Variants in REPIN1 observed in about 807,000 individuals in gnomAD.
REPIN1 encodes DNA-binding protein REPIN1.
A neutral mutation model predicts 5.7 loss-of-function variants in REPIN1; 4 were observed. The observed-to-expected ratio is 0.71, with a 90% CI of 0.35 to 1.62. REPIN1 has a LOEUF of 1.62. Ranked by LOEUF, REPIN1 falls within the 40% of genes most tolerant of loss-of-function variation. REPIN1 has a pLI of 0.05. For missense variants in REPIN1, 854 were observed against 901.0 expected, an observed-to-expected ratio of 0.95 and a Z score of 0.67; for synonymous variants, 410 against 386.2, an observed-to-expected ratio of 1.06 and a Z score of -0.72.
In REPIN1 at chr7:150,373,951, T is replaced by C. The variant is rs956382460; in HGVS notation, c.*1006T>C. On this transcript the variant is annotated 3_prime_UTR_variant, in exon 3 of 3. Coordinates refer to ENST00000489432, the MANE Select transcript of REPIN1 (RefSeq NM_001099695.2). ...ATTCTGCTTTCCTATAATTTCTACC[T>C]ATTGGGCCTTGTTCTGTTCTCTGGA... 1.2e-5 allele frequency: 2 copies of C among 167,094 alleles called. No individual in the cohort carries two copies. The highest frequency in any genetic ancestry group is 4.8e-5 in the African/African-American group (2 of 41,468). 10.4% of individuals were successfully genotyped at this position (167,094 alleles called of 1,614,324 possible).
chr7:150,372,901 G>C lies in REPIN1; in HGVS notation c.1831G>C (p.Asp611His), dbSNP rs769287325. ...CCAICGQTFD[D>H]EERLLAHQKK... is the part of the protein sequence containing the mutation. Reference sequence around the variant, plus strand: ...TGCCATCTGTGGCCAGACCTTCGACGACGAGGAGAGACTCCTGGCCCACCA... The same window carrying C: ...TGCCATCTGTGGCCAGACCTTCGACCACGAGGAGAGACTCCTGGCCCACCA... The change falls in exon 3 of 3, where the codon GAC becomes CAC. Residue 611 changes from aspartate to histidine, a missense_variant. Transcript: ENST00000489432. 4 of 1,613,364 alleles carry C rather than the reference G, an allele frequency of 2.5e-6. No individual in the cohort carries two copies. The highest frequency in any genetic ancestry group is 3.4e-6 in the Non-Finnish European group (4 of 1,180,008).
Position 150,373,945 on chromosome 7 carries a change from T to C in REPIN1, c.*1000T>C, listed in dbSNP as rs1324290013. The C allele has an allele frequency of 6.0e-6, 1 of 167,082 alleles. No individual in the cohort carries two copies. Among genetic ancestry groups the C allele is most frequent in the Non-Finnish European group, 1.5e-5 (1 of 68,132 alleles). 10.3% of individuals were successfully genotyped at this position (167,082 alleles called of 1,614,324 possible). ...GAATGAATTCTGCTTTCCTATAATT[T>C]CTACCTATTGGGCCTTGTTCTGTTC... On this transcript the variant is annotated 3_prime_UTR_variant, in exon 3 of 3. Transcript: ENST00000489432.
Position 150,373,098 on chromosome 7 carries a change from T to A in REPIN1, c.*153T>A. The A allele has an allele frequency of 1.7e-6, 2 of 1,145,140 alleles. No homozygotes were observed. Among genetic ancestry groups the A allele is most frequent in the East Asian group, 2.6e-5 (1 of 38,780 alleles). 70.9% of individuals were successfully genotyped at this position (1,145,140 alleles called of 1,614,324 possible). A position where few individuals can be genotyped will look rare whatever the true frequency, so the allele number is the denominator to read the frequency against. The stretch of plus-strand genomic sequence containing the variant: ...CGCGGGGAGTGAGCTGGGTGGGCCC[T>A]GCTAGCGAGAGAGGTCAACCCCGGT... On this transcript the variant is annotated 3_prime_UTR_variant, in exon 3 of 3. Coordinates refer to ENST00000489432, the MANE Select transcript of REPIN1 (RefSeq NM_001099695.2).
In REPIN1 at chr7:150,369,752, C is replaced by T. The variant is rs759301339; in HGVS notation, c.41C>T (p.Thr14Ile). 1 of 1,613,974 alleles carries T rather than the reference C, an allele frequency of 6.2e-7. No individual in the cohort carries two copies. Among genetic ancestry groups the T allele is most frequent in the Non-Finnish European group, 8.5e-7 (1 of 1,179,856 alleles). ...TCTTTATTACTGCAGTTTTCTCTAA[C>T]ACCTGGGGGCTACCGGAGTGTGGGC... is the stretch of plus-strand genomic sequence containing the variant. ...GVSLLLQFSL[T>I]PGGYRSVGRS... Residue 14 changes from threonine (T) to isoleucine (I), a missense_variant, in exon 2 of 3, where the codon ACA becomes ATA. Thr to Ile is a moderately conservative substitution (Grantham distance 89, BLOSUM62 -1). Around this residue, in one of 5 missense-constraint regions of REPIN1, gnomAD observed 409 missense variants for 418.6 expected, o/e 0.98. Coordinates refer to ENST00000489432, the MANE Select transcript of REPIN1 (RefSeq NM_001099695.2).
In REPIN1 at chr7:150,372,415, G is replaced by C; in HGVS notation, c.1345G>C (p.Ala449Pro). The change falls in exon 3 of 3, where the codon GCC (alanine) becomes CCC (proline). Residue 449 changes from alanine to proline, a missense_variant. Ala to Pro is a conservative substitution (Grantham distance 27). Around this residue, in one of 5 missense-constraint regions of REPIN1, gnomAD observed 327 missense variants for 307.8 expected, o/e 1.06. Transcript: ENST00000489432. ...CTTCCGGCTGGAGCGCTTCCTGCGG[G>C]CCCACCAGCGGCAGCACACCGGGGA... is the stretch of plus-strand genomic sequence containing the variant. ...RSFRLERFLR[A>P]HQRQHTGERP... 6.7e-7 allele frequency: 1 copy of C among 1,493,352 alleles called. No individual in the cohort carries two copies. Among genetic ancestry groups the C allele is most frequent in the South Asian group, 1.3e-5 (1 of 75,682 alleles). The allele number at this position is 1,493,352 out of a possible 1,614,324, so 92.5% of individuals were successfully genotyped here. A position where few individuals can be genotyped will look rare whatever the true frequency, so the allele number is the denominator to read the frequency against.
At chr7:150,368,157 C>CTCGGCCGT (rs1332213877), upstream of REPIN1, 1 of 152,252 alleles carries the variant, frequency 6.6e-6, no homozygotes, top group African/African-American at 2.4e-5. Context: ...CAACGGCCAC[C>CTCGGCCGT]TCGGCCGTCG....
chr7:150,370,560 C>T, intron 2 of REPIN1: 1 of 582,804 alleles, frequency 1.7e-6, no homozygotes, highest in Non-Finnish European at 3.1e-6. Flanking sequence ...AAGTGCCTCC[C>T]CTGTGGGGCT....
At chr7:150,368,134 G>A (rs1585065490), upstream of REPIN1, 1 of 152,348 alleles carries the variant, frequency 6.6e-6, no homozygotes, top group Middle Eastern at 3.4e-3. Context: ...CAAGCGAAAT[G>A]CCCCACGTGC....
rs138254226 is a variant in REPIN1 at position 150,371,735 on chromosome 7, G to A, written c.665G>A (p.Arg222Gln). The A allele has an allele frequency of 1.3e-3, 2,155 of 1,609,568 alleles. 31 individuals carry two copies. In the African/African-American group the frequency reaches 0.026, roughly 20 times the overall value. Reference protein sequence around the residue: ...WRRKQLRAHLRRCHPPAPEAR... With the variant: ...WRRKQLRAHLQRCHPPAPEAR... ...CGAAAGCAGCTTCGAGCTCATCTGC[G>A]GCGGTGCCACCCTCCCGCCCCGGAG... Residue 222 changes from arginine (R) to glutamine (Q), a missense_variant, in exon 3 of 3, where the codon CGG (arginine) becomes CAG (glutamine). By Grantham distance (43) the Arg-to-Gln change is conservative (BLOSUM62 1). Around this residue, in one of 5 missense-constraint regions of REPIN1, gnomAD observed 409 missense variants for 418.6 expected, o/e 0.98. Coordinates refer to ENST00000489432, the MANE Select transcript of REPIN1 (RefSeq NM_001099695.2).
Position 150,371,497 on chromosome 7 carries a change from C to A in REPIN1, c.427C>A (p.Pro143Thr). Residue 143 changes from proline (P) to threonine (T), a missense_variant, in exon 3 of 3, where the codon CCC becomes ACC. Coordinates refer to ENST00000489432, the MANE Select transcript of REPIN1 (RefSeq NM_001099695.2). ...CCGGTGCCAGGCCCGGCTGCCCTTG[C>A]CCTGCCCTGAGTGTGGCCGTCGCTT... Reference protein sequence around the residue: ...TRRCQARLPLPCPECGRRFRH... With the variant: ...TRRCQARLPLTCPECGRRFRH... 6.2e-7 allele frequency: 1 copy of A among 1,606,924 alleles called. No individual in the cohort carries two copies. Among genetic ancestry groups the A allele is most frequent in the Non-Finnish European group, 8.5e-7 (1 of 1,179,718 alleles).
rs1336111712 is a variant in REPIN1, at chr7:150,371,617, C to T, written c.547C>T (p.Arg183Ter). 2 of 1,604,902 alleles carry T rather than the reference C, an allele frequency of 1.2e-6. No homozygotes were observed. The highest frequency in any genetic ancestry group is 2.2e-5 in the East Asian group (1 of 44,786). Reference protein sequence around the residue: ...FACHLCGQSFRGWVALVLHLR... With the variant: ...FACHLCGQSF ...CTGCCACCTCTGTGGGCAGAGCTTC[C>T]GAGGCTGGGTGGCCCTGGTTCTGCA... Residue 183 changes from arginine (R) to a stop codon, truncating the protein, a stop_gained, in exon 3 of 3, where the codon CGA (arginine) becomes TGA (stop). Coordinates refer to ENST00000489432, the MANE Select transcript of REPIN1 (RefSeq NM_001099695.2). LOFTEE classifies it low-confidence loss of function (END_TRUNC).
chr7:150,369,723 GGT>G lies in REPIN1; in HGVS notation c.15_16del (p.Ser6PhefsTer140). 6.2e-7 allele frequency: 1 copy of G among 1,613,958 alleles called. No individual in the cohort carries two copies. Among genetic ancestry groups the G allele is most frequent in the South Asian group, 1.1e-5 (1 of 91,086 alleles). On this transcript the variant is annotated frameshift_variant, in exon 2 of 3. Coordinates refer to ENST00000489432, the MANE Select transcript of REPIN1 (RefSeq NM_001099695.2). LOFTEE classifies it high-confidence loss of function. MGIG[V>X]SLLLQFSLTP... ...GTCTGAGCTCTGCCATGGGGATAGG[GGT>G]GTCTTTATTACTGCAGTTTTCTCTA...
At position 150,372,453 on chromosome 7, in the gene REPIN1, C is replaced by G; in HGVS notation, c.1383C>G (p.Thr461=). 1.3e-6 allele frequency: 2 copies of G among 1,528,778 alleles called. No homozygotes were observed. Among genetic ancestry groups the G allele is most frequent in the South Asian group, 2.5e-5 (2 of 81,098 alleles). 94.7% of individuals were successfully genotyped at this position (1,528,778 alleles called of 1,614,324 possible). ...AGCACACCGGGGAGCGGCCCTTCACCTGCGCCGAGTGCGGGAAGAACTTCG... is the reference window on the plus strand; with the variant it reads ...AGCACACCGGGGAGCGGCCCTTCACGTGCGCCGAGTGCGGGAAGAACTTCG... ...QRQHTGERPF[T]CAECGKNFGK... The change falls in exon 3 of 3, where the codon ACC becomes ACG. Residue 461 remains threonine (T), a synonymous_variant. Coordinates refer to ENST00000489432, the MANE Select transcript of REPIN1 (RefSeq NM_001099695.2).
Position 150,373,030 on chromosome 7 carries a change from T to G in REPIN1, c.*85T>G, listed in dbSNP as rs1800046804. ...CAGTGGGCTGGGGGTGCCTGCCTAG[T>G]GCTGGAGTAGGGGACAATGGGAATC... On this transcript the variant is annotated 3_prime_UTR_variant, in exon 3 of 3. Transcript: ENST00000489432. 3 of 1,526,904 alleles carry G rather than the reference T, an allele frequency of 2.0e-6. No homozygotes were observed. Among genetic ancestry groups the G allele is most frequent in the Non-Finnish European group, 8.9e-7 (1 of 1,129,732 alleles). 94.6% of individuals were successfully genotyped at this position (1,526,904 alleles called of 1,614,324 possible). A position where few individuals can be genotyped will look rare whatever the true frequency, so the allele number is the denominator to read the frequency against.
chr7:150,372,971 G>A lies in REPIN1; in HGVS notation c.*26G>A, dbSNP rs1262753903. 6.3e-7 allele frequency: 1 copy of A among 1,595,908 alleles called. No individual in the cohort carries two copies. The highest frequency in any genetic ancestry group is 1.1e-5 in the South Asian group (1 of 87,508). On this transcript the variant is annotated 3_prime_UTR_variant, in exon 3 of 3. Coordinates refer to ENST00000489432, the MANE Select transcript of REPIN1 (RefSeq NM_001099695.2). ...GACGGTGGGCGGGGCCGTGTTGGCTGAGAGAGGGCTGGGGTCCTTCGTGGT... is the reference window on the plus strand; with the variant it reads ...GACGGTGGGCGGGGCCGTGTTGGCTAAGAGAGGGCTGGGGTCCTTCGTGGT...
In REPIN1 at chr7:150,372,076, C is replaced by G. The variant is rs1799848453; in HGVS notation, c.1006C>G (p.Leu336Val). ...CGKRFTNKPY[L>V]TSHRRIHTGE... ...GAAGCGCTTTACCAATAAGCCCTAT[C>G]TGACTTCGCACCGGCGCATCCACAC... The change falls in exon 3 of 3, where the codon CTG becomes GTG. Residue 336 changes from leucine to valine, a missense_variant. Around this residue, in one of 5 missense-constraint regions of REPIN1, gnomAD observed 327 missense variants for 307.8 expected, o/e 1.06. Coordinates refer to ENST00000489432, the MANE Select transcript of REPIN1 (RefSeq NM_001099695.2). 1 of 1,612,418 alleles carries G rather than the reference C, an allele frequency of 6.2e-7. No individual in the cohort carries two copies. The highest frequency in any genetic ancestry group is 8.5e-7 in the Non-Finnish European group (1 of 1,179,710).
At chr7:150,369,235 G>A (rs530379715) in intron 1 of REPIN1, 22 of 386,806 alleles carry the variant, frequency 5.7e-5, no homozygotes, top group African/African-American at 2.6e-4. Flanking sequence ...GGCCAGCCGC[G>A]ATGCGGAAGG....
chr7:150,372,501 G>A lies in REPIN1; in HGVS notation c.1431G>A (p.Ala477=). ...TCGGCAAGAAGACGCACCTGGTGGC[G>A]CACTCGCGCGTGCACTCCGGCGAGC... ...KNFGKKTHLV[A]HSRVHSGERP... is the part of the protein sequence containing the mutation. The change falls in exon 3 of 3, where the codon GCG becomes GCA. Residue 477 remains alanine, a synonymous_variant. Coordinates refer to ENST00000489432, the MANE Select transcript of REPIN1 (RefSeq NM_001099695.2). 7 of 1,545,100 alleles carry A rather than the reference G, an allele frequency of 4.5e-6. No individual in the cohort carries two copies. The highest frequency in any genetic ancestry group is 5.2e-6 in the Non-Finnish European group (6 of 1,151,490).
At chr7:150,371,007 A>G (rs1799640444) in intron 2 of REPIN1, 2 of 648,438 alleles carry the variant, frequency 3.1e-6, no homozygotes, top group East Asian at 5.4e-5. Context: ...GGAAGTTTCC[A>G]GGGCAACAAA....
Sources: gnomAD v4.1 joint callset for allele counts on GRCh38, gnomAD v4.1.1 for gene constraint, gnomAD v4.1.1 regional missense constraint, MANE v1.5 for transcripts, NCBI Gene and HGNC (gene_info 2026-07-23, HGNC 2026-07-21) for gene names.